PLEKHA5: variants seen among roughly 807,000 people sequenced by gnomAD.
PLEKHA5 encodes pleckstrin homology domain containing A5.
A neutral mutation model predicts 181.9 loss-of-function variants in PLEKHA5; 55 were observed. The ratio of observed to expected loss-of-function variants is 0.30; its 90% CI spans 0.24 to 0.38. The LOEUF (loss-of-function observed/expected upper bound fraction) is 0.38. Among genes scored for constraint, PLEKHA5 ranks in the 10% least tolerant of loss-of-function variants. PLEKHA5 has a pLI of 1.00. For missense variants in PLEKHA5, 1,432 were observed against 1,549.5 expected, an observed-to-expected ratio of 0.92 and a Z score of 1.27; for synonymous variants, 535 against 529.4, an observed-to-expected ratio of 1.01 and a Z score of -0.15.
chr12:19,196,801 CTTTTTTTTTTCT>C (rs1368255305), intron 3 of PLEKHA5, among the ~76,000 whole-genome samples: 75 of 109,120 alleles, frequency 6.9e-4, no homozygotes, highest in South Asian at 1.5e-3. Context: ...CTTGTTTTTT[CTTTTTTTTTTCT>C]TTTTTTTTTT....
At chr12:19,238,245 T>A (rs889155629) in intron 3 of PLEKHA5, among the ~76,000 whole-genome samples, 8 of 152,126 alleles carry the variant, frequency 5.3e-5, no homozygotes, top group African/African-American at 1.7e-4. Flanking sequence ...TCTGAAGCAG[T>A]TGAAGAATGA....
chr12:19,273,557 C>T (rs1007712445), intron 10 of PLEKHA5, among the ~76,000 whole-genome samples: 1 of 152,020 alleles, frequency 6.6e-6, no homozygotes, highest in African/African-American at 2.4e-5. Context: ...TCCTGAGAGG[C>T]CTCCTAGAGT....
At chr12:19,207,917 A>G (rs569896674) in intron 3 of PLEKHA5, among the ~76,000 whole-genome samples, 5 of 152,302 alleles carry the variant, frequency 3.3e-5, no homozygotes, top group East Asian at 1.9e-4. Flanking sequence ...TAATAGTTAT[A>G]TAAGTTAAAA....
chr12:19,281,018 A>G (rs547507133), intron 11 of PLEKHA5, among the ~76,000 whole-genome samples: 1 of 152,088 alleles, frequency 6.6e-6, no homozygotes, highest in Non-Finnish European at 1.5e-5. Flanking sequence ...GCCTAATCTT[A>G]CTTTTTCTAA....
chr12:19,355,795 G>A (rs148469183), intron 26 of PLEKHA5, among the ~76,000 whole-genome samples: 308 of 152,084 alleles, frequency 2.0e-3, no homozygotes, highest in Admixed American at 3.7e-3. Flanking sequence ...TTACAGATTG[G>A]AAGATTTCAT....
chr12:19,238,867 TAA>T (rs1032029398), intron 3 of PLEKHA5, among the ~76,000 whole-genome samples: 3 of 138,742 alleles, frequency 2.2e-5, no homozygotes, highest in African/African-American at 8.1e-5. Context: ...GAAATTAACA[TAA>T]AAGTTTTACT....
chr12:19,326,994 C>G (rs1241015104), intron 20 of PLEKHA5, among the ~76,000 whole-genome samples: 1 of 152,098 alleles, frequency 6.6e-6, no homozygotes, highest in African/African-American at 2.4e-5. Flanking sequence ...GGTTCCATGT[C>G]TTTGCTATTG....
At position 19,359,943 on chromosome 12, in the gene PLEKHA5, G is replaced by A. The variant is rs576880847; in HGVS notation, c.3483+397G>A. ...ATCGCGCCACTACACTCCAGCCTGGGCGACAGAGGGAGGGAGACTCCATCT... is the reference window on the plus strand; with the variant it reads ...ATCGCGCCACTACACTCCAGCCTGGACGACAGAGGGAGGGAGACTCCATCT... On this transcript the variant is annotated intron_variant, in intron 28 of 31. Transcript: ENST00000429027. Among the ~76,000 whole-genome samples, 3 of 151,826 alleles carry A rather than the reference G, an allele frequency of 2.0e-5. No homozygotes were observed. The South Asian group carries it at 6.2e-4, about 32-fold the overall frequency.
chr12:19,361,163 G>A (rs1207958426), intron 28 of PLEKHA5, among the ~76,000 whole-genome samples: 4 of 152,048 alleles, frequency 2.6e-5, no homozygotes, highest in African/African-American at 4.8e-5. Flanking sequence ...TTGATAGAGT[G>A]TGATTGTTTA....
In PLEKHA5 at chr12:19,283,672, G is replaced by T. The variant is rs2076636872; in HGVS notation, c.1706G>T (p.Arg569Ile). Residue 569 changes from arginine (R) to isoleucine (I), a missense_variant, in exon 12 of 32, where the codon AGA becomes ATA. Arg to Ile is a moderately conservative substitution (Grantham distance 97). Around this residue, in one of 2 missense-constraint regions of PLEKHA5, gnomAD observed 1,143 missense variants for 1,168.4 expected, o/e 0.98. Coordinates refer to ENST00000429027, the MANE Select transcript of PLEKHA5 (RefSeq NM_001256470.2). ...YQGYSPQRTY[R>I]SEVSSPIQRG... ...GGATACTCCCCTCAACGAACTTACA[G>T]ATCGGAAGTGTCTTCACCAATTCAG... The T allele has an allele frequency of 6.2e-7, 1 of 1,614,010 alleles. No homozygotes were observed. The highest frequency in any genetic ancestry group is 1.3e-5 in the African/African-American group (1 of 74,904).
At chr12:19,203,592 A>C (rs1375472002) in intron 3 of PLEKHA5, among the ~76,000 whole-genome samples, 1 of 151,910 alleles carries the variant, frequency 6.6e-6, no homozygotes, top group Non-Finnish European at 1.5e-5. Flanking sequence ...CACCCCTCTC[A>C]CAAAGACTAC....
chr12:19,183,393 CT>C (rs2049048328), intron 3 of PLEKHA5, among the ~76,000 whole-genome samples: 1 of 152,142 alleles, frequency 6.6e-6, no homozygotes, highest in Middle Eastern at 3.2e-3. Flanking sequence ...GCTTTAGGTA[CT>C]TTTCCTACAT....
intron 16 of PLEKHA5, among the ~76,000 whole-genome samples, chr12:19,315,215 CT>C (rs1453077968): frequency 6.6e-6 from 1 of 152,114 alleles, no homozygotes; most frequent in Non-Finnish European, 1.5e-5. Context: ...GTTTTATTAA[CT>C]TTAAAAGCAT....
At chr12:19,277,812 A>G (rs1219356644) in intron 11 of PLEKHA5, among the ~76,000 whole-genome samples, 2 of 152,238 alleles carry the variant, frequency 1.3e-5, no homozygotes, top group Non-Finnish European at 2.9e-5. Flanking sequence ...TCAAAATAGT[A>G]GATCCCTGCA....
intron 20 of PLEKHA5, among the ~76,000 whole-genome samples, chr12:19,325,636 C>G (rs1298244864): frequency 2.7e-5 from 4 of 146,446 alleles, no homozygotes; most frequent in Middle Eastern, 4.1e-3. Flanking sequence ...TGCAGTGAGC[C>G]GAGATCGTGC....
chr12:19,338,003 C>A (rs915549727), intron 21 of PLEKHA5, among the ~76,000 whole-genome samples: 5 of 150,882 alleles, frequency 3.3e-5, no homozygotes, highest in Non-Finnish European at 7.4e-5. Flanking sequence ...TGTACTCCAC[C>A]CTGGGCAACA....
At chr12:19,239,331 A>G (rs933653154) in intron 3 of PLEKHA5, among the ~76,000 whole-genome samples, 90 of 152,220 alleles carry the variant, frequency 5.9e-4, no homozygotes, top group African/African-American at 2.1e-3. Context: ...AGTGTCCTGT[A>G]GTGGCCATTG....
chr12:19,237,410 A>G lies in PLEKHA5; in HGVS notation c.228-16530A>G, dbSNP rs901838775. Among the ~76,000 whole-genome samples the G allele has an allele frequency of 2.0e-5, 3 of 152,154 alleles. No individual in the cohort carries two copies. In the East Asian group the frequency reaches 5.8e-4, roughly 29 times the overall value. On this transcript the variant is annotated intron_variant, in intron 3 of 31. Coordinates refer to ENST00000429027, the MANE Select transcript of PLEKHA5 (RefSeq NM_001256470.2). The stretch of plus-strand genomic sequence containing the variant: ...TTCCTTATTTTTAACTTACTCACAG[A>G]AGATGCTTGATTTGCCCCTAGACCT...
intron 3 of PLEKHA5, among the ~76,000 whole-genome samples, chr12:19,248,430 T>C (rs1352918098): frequency 6.6e-6 from 1 of 152,180 alleles, no homozygotes; most frequent in Admixed American, 6.5e-5. Flanking sequence ...ACTCCCGGCC[T>C]CAAGTGATCC....
Sources: allele counts gnomAD v4.1 joint callset (sites outside exome capture counted in the v4.1 genomes callset), GRCh38; gene constraint gnomAD v4.1.1; regional missense constraint gnomAD v4.1.1; transcripts MANE v1.5; gene names NCBI Gene and HGNC (gene_info 2026-07-23, HGNC 2026-07-21).